CNTNAP3: variants seen among roughly 807,000 people sequenced by gnomAD.
CNTNAP3 encodes contactin associated protein family member 3.
CNTNAP3 carries 36 observed loss-of-function variants against 92.1 expected under a neutral mutation model. The observed-to-expected ratio is 0.39, with a 90% CI of 0.30 to 0.52. CNTNAP3 has a LOEUF of 0.52. Among genes scored for constraint, CNTNAP3 ranks in the 20% least tolerant of loss-of-function variants. CNTNAP3 has a pLI of 0.76. For missense variants in CNTNAP3, 534 were observed against 1,069.6 expected (o/e 0.50, Z 6.98); for synonymous variants, 232 against 422.3 (o/e 0.55, Z 5.53).
intron 10 of CNTNAP3, among the ~76,000 whole-genome samples, chr9:39,146,692 AAAAC>A (rs1309404894): frequency 6.7e-6 from 1 of 149,112 alleles, no homozygotes; most frequent in African/African-American, 2.5e-5. Flanking sequence ...CCGTCTCAAA[AAAAC>A]AAACAAGCAA....
intron 13 of CNTNAP3, among the ~76,000 whole-genome samples, chr9:39,122,305 A>G (rs1821048006): frequency 2.0e-5 from 3 of 152,260 alleles, no homozygotes; most frequent in African/African-American, 4.8e-5. Flanking sequence ...CAGTGAGCTG[A>G]GATGGCGCCA....
At chr9:39,128,660 G>A (rs1821205013) in intron 13 of CNTNAP3, among the ~76,000 whole-genome samples, 1 of 152,002 alleles carries the variant, frequency 6.6e-6, no homozygotes. Flanking sequence ...GTTCAACCTA[G>A]GATTGAAAGT....
intron 13 of CNTNAP3, among the ~76,000 whole-genome samples, chr9:39,126,155 T>C (rs1821148224): frequency 6.6e-6 from 1 of 152,270 alleles, no homozygotes; most frequent in East Asian, 1.9e-4. Flanking sequence ...AGGCATGTTC[T>C]TGAATTAGAA....
At chr9:39,162,975 T>TA (rs888274493) in intron 9 of CNTNAP3, among the ~76,000 whole-genome samples, 38 of 68,640 alleles carry the variant, frequency 5.5e-4, no homozygotes, top group South Asian at 2.9e-3. Flanking sequence ...AAAATAAGTT[T>TA]AAAAAAAAAA....
chr9:39,103,033 G>A (rs1826503299), intron 16 of CNTNAP3, among the ~76,000 whole-genome samples: 1 of 151,952 alleles, frequency 6.6e-6, no homozygotes, highest in South Asian at 2.1e-4. Context: ...TGTTTTTGAG[G>A]TTTCAGTAAT....
chr9:39,116,513 T>C (rs1185018968), intron 14 of CNTNAP3, among the ~76,000 whole-genome samples: 1 of 147,082 alleles, frequency 6.8e-6, no homozygotes, highest in Admixed American at 6.6e-5. Context: ...CAAAATATTG[T>C]ACAAAACCAT....
intron 14 of CNTNAP3, chr9:39,117,860 G>T (rs1038482858): frequency 3.9e-6 from 3 of 769,554 alleles, no homozygotes; most frequent in South Asian, 4.1e-5. Flanking sequence ...AAACTTAACA[G>T]CTGTTTCTCT....
chr9:39,087,189 T>G (rs976318014), intron 19 of CNTNAP3, among the ~76,000 whole-genome samples: 2 of 152,232 alleles, frequency 1.3e-5, no homozygotes, highest in African/African-American at 4.8e-5. Flanking sequence ...TTGATATTTA[T>G]GAAATGATGA....
chr9:39,133,101 G>A lies in CNTNAP3; in HGVS notation c.1911C>T (p.Gly637=), dbSNP rs1388807070. 4 of 1,573,556 alleles carry A rather than the reference G, an allele frequency of 2.5e-6. No individual in the cohort carries two copies. The highest frequency in any genetic ancestry group is 1.8e-5 in the Admixed American group (1 of 54,342). The part of the protein sequence containing the change: ...DAAWTVVQHG[G]PDAVTLRGAP... The stretch of plus-strand genomic sequence containing the variant: ...CACCTCGGAGGGTCACCGCGTCGGG[G>A]CCACCGTGCTGCACCACCGTCCACG... Residue 637 remains glycine, a synonymous_variant, in exon 13 of 24, where the codon GGC becomes GGT. Transcript: ENST00000297668.
Position 39,118,261 on chromosome 9 carries a change from T to C in CNTNAP3, c.2081-2A>G. 3.7e-6 allele frequency: 6 copies of C among 1,612,920 alleles called. 1 individual carries two copies. Among genetic ancestry groups the C allele is most frequent in the Non-Finnish European group, 5.1e-6 (6 of 1,179,644 alleles). ...CCCACCAGCTCAGTGGGGTTCCATC[T>C]GAAAGACAAGTATAAGAAACATGAC... On this transcript the variant is annotated splice_acceptor_variant, in intron 13 of 23. Coordinates refer to ENST00000297668, the MANE Select transcript of CNTNAP3 (RefSeq NM_033655.5). LOFTEE classifies it high-confidence loss of function.
intron 21 of CNTNAP3, 96 bp from the exon 22 acceptor site, chr9:39,079,016 C>G: frequency 6.7e-7 from 1 of 1,491,360 alleles, no homozygotes. Flanking sequence ...CTCGTTCCTT[C>G]ACTCCAGGAG....
chr9:39,118,138 C>T lies in CNTNAP3; in HGVS notation c.2202G>A (p.Gln734=), dbSNP rs1554648645. The stretch of plus-strand genomic sequence containing the variant: ...GGCCAGCATCACAGTTGCAGTAATA[C>T]TGAGAATCAATGCAGTTCCCCTCTA... ...CGLEGNCIDS[Q]YYCNCDAGRN... is the part of the protein sequence containing the mutation. The change falls in exon 14 of 24, where the codon CAG becomes CAA. Residue 734 remains glutamine (Q), a synonymous_variant. Coordinates refer to ENST00000297668, the MANE Select transcript of CNTNAP3 (RefSeq NM_033655.5). The T allele has an allele frequency of 5.6e-6, 9 of 1,610,210 alleles. No individual in the cohort carries two copies. The highest frequency in any genetic ancestry group is 2.2e-4 in the Middle Eastern group (1 of 4,512).
chr9:39,114,553 C>T (rs1693126), intron 14 of CNTNAP3, among the ~76,000 whole-genome samples: 8 of 152,152 alleles, frequency 5.3e-5, no homozygotes, highest in East Asian at 1.9e-4. Flanking sequence ...TGTATTTACT[C>T]GGTAAATATT....
chr9:39,097,588 G>C (rs1429293696), intron 18 of CNTNAP3, among the ~76,000 whole-genome samples: 2 of 151,838 alleles, frequency 1.3e-5, no homozygotes, highest in African/African-American at 4.8e-5. Context: ...GTTTCTGCGT[G>C]GACAGAGCTT....
At chr9:39,149,351 TTTTTG>T (rs1821783392) in intron 10 of CNTNAP3, among the ~76,000 whole-genome samples, 1 of 137,268 alleles carries the variant, frequency 7.3e-6, no homozygotes, top group African/African-American at 3.1e-5. Flanking sequence ...GCAGTTTTTG[TTTTTG>T]TTTTTTTTTT....
At chr9:39,115,866 G>T (rs957496815) in intron 14 of CNTNAP3, among the ~76,000 whole-genome samples, 1 of 151,510 alleles carries the variant, frequency 6.6e-6, no homozygotes, top group East Asian at 2.0e-4. Context: ...CAAGTGATAC[G>T]TTCCTCTGGT....
At chr9:39,100,818 C>T (rs566766285) in intron 17 of CNTNAP3, among the ~76,000 whole-genome samples, 1 of 149,018 alleles carries the variant, frequency 6.7e-6, no homozygotes. Flanking sequence ...TTTACAACAC[C>T]TGTGTAGTGA....
chr9:39,179,304 C>T (rs1298864723), intron 4 of CNTNAP3, among the ~76,000 whole-genome samples: 1 of 130,628 alleles, frequency 7.7e-6, no homozygotes, highest in African/African-American at 3.2e-5. Context: ...CACACACACA[C>T]ACACACACAC....
intron 18 of CNTNAP3, among the ~76,000 whole-genome samples, chr9:39,089,458 T>G (rs1259690780): frequency 6.6e-6 from 1 of 152,230 alleles, no homozygotes; most frequent in Admixed American, 6.5e-5. Flanking sequence ...GCGGATCTAT[T>G]TAACAGTTGA....
Sources: allele counts gnomAD v4.1 joint callset (sites outside exome capture counted in the v4.1 genomes callset), GRCh38; gene constraint gnomAD v4.1.1; transcripts MANE v1.5; gene names NCBI Gene and HGNC (gene_info 2026-07-23, HGNC 2026-07-21).